The following CHRNA7 variants were observed in gnomAD, a reference collection of about 807,000 sequenced individuals.
CHRNA7 encodes the protein cholinergic receptor nicotinic alpha 7 subunit.
CHRNA7 carries 17 observed loss-of-function variants against 48.0 expected under a neutral mutation model. That is an observed-to-expected ratio of 0.35 (90% CI 0.24 to 0.53). CHRNA7 has a LOEUF of 0.53. Among genes scored for constraint, CHRNA7 ranks in the 20% least tolerant of loss-of-function variants. CHRNA7 has a pLI of 0.92. For synonymous variants in CHRNA7, 75 were observed against 242.3 expected (o/e 0.31, Z 6.41); for missense variants, 155 against 577.7 (o/e 0.27, Z 7.50).
intron 4 of CHRNA7, among the ~76,000 whole-genome samples, chr15:32,122,022 T>C (rs2050979471): frequency 6.6e-6 from 1 of 152,200 alleles, no homozygotes; most frequent in Admixed American, 6.5e-5. Context: ...GAGGACTCTT[T>C]GTAAACATCA....
At chr15:32,031,787 G>A (rs1901855439) in intron 2 of CHRNA7, among the ~76,000 whole-genome samples, 1 of 152,212 alleles carries the variant, frequency 6.6e-6, no homozygotes, top group African/African-American at 2.4e-5. Flanking sequence ...AATATTCATG[G>A]TATATTCTCC....
intron 4 of CHRNA7, among the ~76,000 whole-genome samples, chr15:32,126,018 A>G (rs2051060269): frequency 6.6e-6 from 1 of 152,122 alleles, no homozygotes; most frequent in Non-Finnish European, 1.5e-5. Context: ...AGCAAAAAAA[A>G]AAAATGATCC....
chr15:32,085,132 C>T (rs919278981), intron 2 of CHRNA7, among the ~76,000 whole-genome samples: 1 of 151,920 alleles, frequency 6.6e-6, no homozygotes, highest in East Asian at 1.9e-4. Flanking sequence ...CCCGGCCTCC[C>T]CCTAATTCTT....
chr15:32,110,028 A>G (rs921675415), intron 3 of CHRNA7, among the ~76,000 whole-genome samples: 1 of 152,186 alleles, frequency 6.6e-6, no homozygotes, highest in Non-Finnish European at 1.5e-5. Flanking sequence ...TTGGCCTACC[A>G]TGCCCACTTT....
At chr15:32,068,103 A>G (rs956331256) in intron 2 of CHRNA7, among the ~76,000 whole-genome samples, 4 of 151,994 alleles carry the variant, frequency 2.6e-5, no homozygotes, top group African/African-American at 7.3e-5. Context: ...CTTGAGGCCT[A>G]TCGTTGGAGG....
chr15:32,101,218 G>A, intron 2 of CHRNA7, 85 bp from the exon 3 acceptor site: 2 of 1,434,360 alleles, frequency 1.4e-6, no homozygotes, highest in Non-Finnish European at 1.9e-6. Flanking sequence ...GCTCTCGACA[G>A]TCAGATCCCC....
Position 32,142,653 on chromosome 15 carries a change from G to A in CHRNA7, c.351-11254G>A, listed in dbSNP as rs187198207. Among the ~76,000 whole-genome samples, 44 of 152,266 alleles carry A rather than the reference G, an allele frequency of 2.9e-4. No homozygotes were observed. The East Asian group carries it at 8.5e-3, about 29-fold the overall frequency. On this transcript the variant is annotated intron_variant, in intron 4 of 9. Transcript: ENST00000306901. ...CTTCCTAGTTTAGTCTTGGGAGGGT[G>A]CATGAGTCCAGGAATTTATCCATTT...
At chr15:32,136,664 C>T (rs556228674) in intron 4 of CHRNA7, among the ~76,000 whole-genome samples, 1 of 152,150 alleles carries the variant, frequency 6.6e-6, no homozygotes, top group Non-Finnish European at 1.5e-5. Context: ...GTGAGAATAA[C>T]CACCAGACCA....
intron 2 of CHRNA7, among the ~76,000 whole-genome samples, chr15:32,044,288 T>TTCCTTC (rs1566798035): frequency 1.0e-4 from 2 of 19,514 alleles, no homozygotes; most frequent in Non-Finnish European, 2.9e-4. Flanking sequence ...TCCTTCCTTC[T>TTCCTTC]TTTTTTGGGG....
chr15:32,141,775 A>G (rs2051383673), intron 4 of CHRNA7, among the ~76,000 whole-genome samples: 2 of 152,200 alleles, frequency 1.3e-5, no homozygotes, highest in African/African-American at 2.4e-5. Flanking sequence ...TTGATTTTGT[A>G]TCCTGAGACT....
At chr15:32,158,289 C>CCTGT in intron 6 of CHRNA7, 123 bp from the exon 7 acceptor site, 1 of 522,138 alleles carries the variant, frequency 1.9e-6, no homozygotes, top group Non-Finnish European at 2.7e-6. Context: ...CAACCCCCCC[C>CCTGT]TTTTTTTTTT....
chr15:32,112,457 A>G, intron 4 of CHRNA7: 2 of 418,710 alleles, frequency 4.8e-6, no homozygotes, highest in Non-Finnish European at 4.9e-6. Context: ...TGAGGTCAGG[A>G]AATAAGGGAC....
In CHRNA7 at chr15:32,135,709, C is replaced by T. The variant is rs376451144; in HGVS notation, c.351-18198C>T. Among the ~76,000 whole-genome samples, 7 of 152,176 alleles carry T rather than the reference C, an allele frequency of 4.6e-5. No homozygotes were observed. The East Asian group carries it at 9.7e-4, about 21-fold the overall frequency. The stretch of plus-strand genomic sequence containing the variant: ...AATATTGATGAAAAACATACATCCT[C>T]AGCTTCAGGAGATAAAAGTCTGAGG... On this transcript the variant is annotated intron_variant, in intron 4 of 9. Coordinates refer to ENST00000306901, the MANE Select transcript of CHRNA7 (RefSeq NM_000746.6).
At chr15:32,133,003 C>T (rs11633380) in intron 4 of CHRNA7, among the ~76,000 whole-genome samples, 3,482 of 152,204 alleles carry the variant, frequency 0.023, 67 homozygotes, top group Non-Finnish European at 0.033. Context: ...TTTGGGCATC[C>T]GATTGTGTAG....
chr15:32,125,053 C>T (rs565639048), intron 4 of CHRNA7, among the ~76,000 whole-genome samples: 5 of 152,218 alleles, frequency 3.3e-5, no homozygotes, highest in African/African-American at 9.6e-5. Flanking sequence ...ATGCCCTAGC[C>T]GGAGCCCTAT....
At chr15:32,083,313 C>A (rs1382279328) in intron 2 of CHRNA7, among the ~76,000 whole-genome samples, 1 of 152,156 alleles carries the variant, frequency 6.6e-6, no homozygotes, top group Non-Finnish European at 1.5e-5. Context: ...CGAGTACTCT[C>A]TAGCCCTTCT....
At chr15:32,044,233 C>A (rs1263287253) in intron 2 of CHRNA7, among the ~76,000 whole-genome samples, 5 of 127,050 alleles carry the variant, frequency 3.9e-5, no homozygotes, top group Non-Finnish European at 7.1e-5. Context: ...ACAATTGTTG[C>A]CAGATCGATC....
At chr15:32,032,879 C>G (rs895905767) in intron 2 of CHRNA7, among the ~76,000 whole-genome samples, 1 of 152,194 alleles carries the variant, frequency 6.6e-6, no homozygotes, top group Admixed American at 6.5e-5. Flanking sequence ...GGAACTTCTT[C>G]TTTAAGAGAC....
chr15:32,089,866 G>T (rs1220178700), intron 2 of CHRNA7, among the ~76,000 whole-genome samples: 1 of 152,170 alleles, frequency 6.6e-6, no homozygotes, highest in African/African-American at 2.4e-5. Context: ...TTTGATGTTT[G>T]CTATAGCTTT....
Sources: gnomAD v4.1 joint callset for allele counts (sites outside exome capture counted in the v4.1 genomes callset) on GRCh38, gnomAD v4.1.1 for gene constraint, MANE v1.5 for transcripts, NCBI Gene and HGNC (gene_info 2026-07-23, HGNC 2026-07-21) for gene names.